Variants in FAT1 observed in about 807,000 individuals in gnomAD.
FAT1 encodes the protein FAT atypical cadherin 1, also known as protocadherin Fat 1.
Under a neutral mutation model 329.8 loss-of-function variants are expected in FAT1, and 171 were observed. The observed-to-expected ratio is 0.52, with a 90% CI of 0.46 to 0.59. The LOEUF is 0.59. Ranked by LOEUF, FAT1 falls within the 20% of genes least tolerant of loss-of-function variation. FAT1 has a pLI of 0.00. For synonymous variants in FAT1, 2,233 were observed against 2,228.6 expected, an observed-to-expected ratio of 1.00 and a Z score of -0.06; for missense variants, 5,672 against 5,774.4, an observed-to-expected ratio of 0.98 and a Z score of 0.57.
chr4:186,658,005 C>T (rs576275659), intron 3 of FAT1, among the ~76,000 whole-genome samples: 9 of 152,292 alleles, frequency 5.9e-5, no homozygotes, highest in East Asian at 5.8e-4. Flanking sequence ...TGTTTGCAGG[C>T]GCTGCAGCTG....
At chr4:186,601,474 TA>T in intron 20 of FAT1, 48 bp from the exon 21 acceptor site, 1 of 1,560,732 alleles carries the variant, frequency 6.4e-7, no homozygotes, top group African/African-American at 1.3e-5. Flanking sequence ...AGTTTAAGCA[TA>T]TTTTTTAAAG....
upstream of FAT1, among the ~76,000 whole-genome samples, chr4:186,726,027 G>A (rs1745707073): frequency 6.6e-6 from 1 of 152,220 alleles, no homozygotes; most frequent in South Asian, 2.1e-4. Context: ...AGGGCGCTGC[G>A]CCCCTGCAAA....
chr4:186,621,829 G>T, intron 9 of FAT1, 54 bp from the exon 10 acceptor site: 1 of 1,115,398 alleles, frequency 9.0e-7, no homozygotes, highest in Non-Finnish European at 1.2e-6. Context: ...GGCAGTAGTA[G>T]TAGTAGTTAG....
chr4:186,699,999 T>A (rs191179919), intron 2 of FAT1, among the ~76,000 whole-genome samples: 242 of 152,110 alleles, frequency 1.6e-3, no homozygotes, highest in African/African-American at 4.9e-3. Flanking sequence ...TCCTTAAACA[T>A]CCTTAGGACA....
chr4:186,661,603 C>A (rs1742176021), intron 3 of FAT1, among the ~76,000 whole-genome samples: 1 of 152,214 alleles, frequency 6.6e-6, no homozygotes, highest in Non-Finnish European at 1.5e-5. Context: ...GCGTGGGACC[C>A]TTGCAGACTT....
chr4:186,649,134 G>A (rs1226289830), intron 3 of FAT1, among the ~76,000 whole-genome samples: 2 of 151,974 alleles, frequency 1.3e-5, no homozygotes, highest in Non-Finnish European at 2.9e-5. Flanking sequence ...AAGTGGCCGG[G>A]AGAGCCCACC....
intron 2 of FAT1, among the ~76,000 whole-genome samples, chr4:186,685,997 T>G (rs953614607): frequency 6.6e-6 from 1 of 152,214 alleles, no homozygotes; most frequent in African/African-American, 2.4e-5. Context: ...GACTCACTTA[T>G]GACAATCCTG....
At chr4:186,674,703 A>G (rs138569081) in intron 2 of FAT1, among the ~76,000 whole-genome samples, 200 of 152,278 alleles carry the variant, frequency 1.3e-3, no homozygotes, top group African/African-American at 4.7e-3. Context: ...ACTGCTCTCT[A>G]TTTAGGAAGT....
intron 3 of FAT1, 85 bp downstream of exon 3, chr4:186,663,214 G>A (rs1319557847): frequency 2.1e-5 from 21 of 1,023,876 alleles, no homozygotes; most frequent in Non-Finnish European, 2.8e-5. Context: ...ACAAAAGTAT[G>A]TAACAGATAA....
intron 2 of FAT1, among the ~76,000 whole-genome samples, chr4:186,691,691 C>T (rs1743769994): frequency 6.6e-6 from 1 of 152,032 alleles, no homozygotes; most frequent in African/African-American, 2.4e-5. Flanking sequence ...GCCTGTAGTC[C>T]CAGCTACTCA....
intron 26 of FAT1, among the ~76,000 whole-genome samples, chr4:186,593,607 G>T (rs1052823200): frequency 1.3e-5 from 2 of 152,270 alleles, no homozygotes; most frequent in Admixed American, 1.3e-4. Context: ...GTTACGGCTG[G>T]GGGGAGCTCT....
intron 2 of FAT1, among the ~76,000 whole-genome samples, chr4:186,704,042 T>C (rs1490104407): frequency 6.6e-6 from 1 of 152,254 alleles, no homozygotes; most frequent in Non-Finnish European, 1.5e-5. Flanking sequence ...GTCCAATGTG[T>C]AAATATTATT....
At chr4:186,700,152 T>C (rs576328938) in intron 2 of FAT1, among the ~76,000 whole-genome samples, 3 of 152,290 alleles carry the variant, frequency 2.0e-5, no homozygotes, top group Admixed American at 1.3e-4. Flanking sequence ...TGTAACTCGA[T>C]GCAGAGGGAG....
At chr4:186,646,831 C>T (rs1218838346) in intron 3 of FAT1, among the ~76,000 whole-genome samples, 3 of 152,072 alleles carry the variant, frequency 2.0e-5, no homozygotes, top group East Asian at 1.9e-4. Context: ...CTTGGCTCAG[C>T]GGGCGACGAA....
In FAT1 at chr4:186,708,303, G is replaced by T; in HGVS notation, c.1525C>A (p.Pro509Thr). Residue 509 changes from proline to threonine, a missense_variant, in exon 2 of 27, where the codon CCG (proline) becomes ACG (threonine). Physicochemically the swap from Pro to Thr is conservative, Grantham distance 38 (BLOSUM62 -1). Coordinates refer to ENST00000441802, the MANE Select transcript of FAT1 (RefSeq NM_005245.4). ...CCAGTGAAATGGTCAATCGCAAACG[G>T]CACATGATTTAAATTTGCGATACTG... ...TYSIANLNHV[P>T]FAIDHFTGAV... 1 of 1,613,910 alleles carries T rather than the reference G, an allele frequency of 6.2e-7. No individual in the cohort carries two copies. The highest frequency in any genetic ancestry group is 8.5e-7 in the Non-Finnish European group (1 of 1,179,890).
At chr4:186,592,486 T>TA (rs556504367) in intron 26 of FAT1, among the ~76,000 whole-genome samples, 11 of 152,226 alleles carry the variant, frequency 7.2e-5, no homozygotes, top group African/African-American at 2.6e-4. Flanking sequence ...CTATGAATGG[T>TA]AAAAAGGAAC....
intron 3 of FAT1, among the ~76,000 whole-genome samples, chr4:186,654,434 A>T (rs754983420): frequency 6.6e-6 from 1 of 152,194 alleles, no homozygotes; most frequent in Admixed American, 6.5e-5. Context: ...AAGGGGCAAA[A>T]CAAGGAAAAT....
intron 1 of FAT1, among the ~76,000 whole-genome samples, chr4:186,713,687 G>A (rs1242551024): frequency 1.3e-5 from 2 of 151,764 alleles, no homozygotes; most frequent in South Asian, 2.1e-4. Context: ...ACAGAGTCTC[G>A]CTCTCTCACC....
At chr4:186,694,236 CA>C (rs1488098707) in intron 2 of FAT1, among the ~76,000 whole-genome samples, 1 of 152,198 alleles carries the variant, frequency 6.6e-6, no homozygotes, top group African/African-American at 2.4e-5. Flanking sequence ...ACCATCTCCC[CA>C]TTTCTCATAA....
Sources: allele counts gnomAD v4.1 joint callset (sites outside exome capture counted in the v4.1 genomes callset), GRCh38; gene constraint gnomAD v4.1.1; transcripts MANE v1.5; gene names NCBI Gene and HGNC (gene_info 2026-07-23, HGNC 2026-07-21).